GNAO1: variants seen among roughly 807,000 people sequenced by gnomAD.
The protein encoded by GNAO1 is G protein subunit alpha o1.
For synonymous variants in GNAO1, 164 were observed against 180.7 expected (o/e 0.91, Z 0.74); for missense variants, 166 against 478.7 (o/e 0.35, Z 6.10).
At chr16:56,219,545 G>A (rs1424808410) in intron 2 of GNAO1, among the ~76,000 whole-genome samples, 3 of 152,028 alleles carry the variant, frequency 2.0e-5, no homozygotes, top group Non-Finnish European at 4.4e-5. Flanking sequence ...CTTTGGTATC[G>A]GATATTAGGA....
intron 2 of GNAO1, among the ~76,000 whole-genome samples, chr16:56,224,279 G>A (rs1416888478): frequency 5.3e-5 from 8 of 152,184 alleles, no homozygotes; most frequent in African/African-American, 1.9e-4. Context: ...AGAGTGAGAG[G>A]TGAGAGTCCT....
rs1273997393 is a variant in GNAO1, at chr16:56,340,110, C to A, written c.723+3250C>A. On this transcript the variant is annotated intron_variant, in intron 6 of 8. Coordinates refer to ENST00000262493, the MANE Select transcript of GNAO1 (RefSeq NM_020988.3). ...CCTGAGACTGGTTGAACCAATTTTT[C>A]AGTATTTTTCTCTCTTTCTCTTGTT... 3.9e-5 allele frequency among the ~76,000 whole-genome samples: 6 copies of A among 152,326 alleles called. 1 individual carries two copies. In the South Asian group the frequency reaches 1.2e-3, roughly 32 times the overall value.
chr16:56,329,763 A>G (rs751928262), intron 4 of GNAO1, among the ~76,000 whole-genome samples: 1 of 152,108 alleles, frequency 6.6e-6, no homozygotes, highest in Non-Finnish European at 1.5e-5. Context: ...CAGTCCAGCC[A>G]TTTTCACCAG....
intron 3 of GNAO1, among the ~76,000 whole-genome samples, chr16:56,296,074 T>C (rs2037285467): frequency 6.6e-6 from 1 of 152,358 alleles, no homozygotes; most frequent in Non-Finnish European, 1.5e-5. Context: ...AATTCAATTA[T>C]AAAGCCAATT....
At chr16:56,343,706 T>C in intron 6 of GNAO1, 2 of 1,428,010 alleles carry the variant, frequency 1.4e-6, no homozygotes, top group Non-Finnish European at 1.9e-6. Flanking sequence ...GGGTCGTCCA[T>C]GCCAAGCAGT....
intron 2 of GNAO1, among the ~76,000 whole-genome samples, chr16:56,220,132 A>G (rs998069120): frequency 1.3e-5 from 2 of 152,094 alleles, no homozygotes; most frequent in African/African-American, 2.4e-5. Context: ...ATGTGAACAG[A>G]TATCTTTGGC....
chr16:56,207,849 A>G (rs1478880707), intron 2 of GNAO1, among the ~76,000 whole-genome samples: 1 of 152,240 alleles, frequency 6.6e-6, no homozygotes, highest in East Asian at 1.9e-4. Context: ...CAAAATGTAC[A>G]TTAATCTTAT....
intron 3 of GNAO1, among the ~76,000 whole-genome samples, chr16:56,282,668 A>G (rs1208893527): frequency 2.6e-5 from 4 of 152,240 alleles, no homozygotes; most frequent in African/African-American, 7.2e-5. Flanking sequence ...ATGGCCCTAC[A>G]AGCAAGGGCT....
At chr16:56,223,087 C>T (rs11645345) in intron 2 of GNAO1, among the ~76,000 whole-genome samples, 21,563 of 152,134 alleles carry the variant, frequency 0.14, 2,053 homozygotes, top group African/African-American at 0.27. Context: ...TATTGTTTTA[C>T]AGTTCTATTG....
intron 3 of GNAO1, among the ~76,000 whole-genome samples, chr16:56,314,735 C>G (rs535293814): frequency 1.4e-4 from 21 of 152,240 alleles, no homozygotes; most frequent in African/African-American, 4.3e-4. Context: ...CAAATGTTAA[C>G]ACTGTTAGGA....
chr16:56,263,121 CCA>C (rs1354948838), intron 2 of GNAO1, among the ~76,000 whole-genome samples: 1 of 152,184 alleles, frequency 6.6e-6, no homozygotes, highest in Non-Finnish European at 1.5e-5. Context: ...AAGGAAAGGG[CCA>C]CAGACTCCGG....
intron 2 of GNAO1, among the ~76,000 whole-genome samples, chr16:56,216,256 TA>T (rs1281892140): frequency 6.6e-6 from 1 of 152,224 alleles, no homozygotes; most frequent in Non-Finnish European, 1.5e-5. Context: ...CTCCATTTTT[TA>T]AAAGGTGATC....
At position 56,315,723 on chromosome 16, in the gene GNAO1, G is replaced by A. The variant is rs575447868; in HGVS notation, c.304-12908G>A. ...CATAAAAACCCCCCTGCCTCTGGGG[G>A]CCCAGGACAGGCTTCTGTTGCTAAT... On this transcript the variant is annotated intron_variant, in intron 3 of 8. Coordinates refer to ENST00000262493, the MANE Select transcript of GNAO1 (RefSeq NM_020988.3). Among the ~76,000 whole-genome samples the A allele has an allele frequency of 3.3e-5, 5 of 152,196 alleles. No homozygotes were observed. In the East Asian group the frequency reaches 7.8e-4, roughly 24 times the overall value.
In GNAO1 at chr16:56,337,812, C is replaced by T. The variant is rs139676655; in HGVS notation, c.723+952C>T. ...CGTGGTCCCCTTCTGGGCTGCAGCCCGCCAGGCACCGAGCATGGCCCACAG... is the reference window on the plus strand; with the variant it reads ...CGTGGTCCCCTTCTGGGCTGCAGCCTGCCAGGCACCGAGCATGGCCCACAG... On this transcript the variant is annotated intron_variant, in intron 6 of 8. Coordinates refer to ENST00000262493, the MANE Select transcript of GNAO1 (RefSeq NM_020988.3). Among the ~76,000 whole-genome samples, 43 of 152,248 alleles carry T rather than the reference C, an allele frequency of 2.8e-4. No homozygotes were observed. In the East Asian group the frequency reaches 3.9e-3, roughly 14 times the overall value.
chr16:56,350,893 CCACA>C (rs2037914049), intron 6 of GNAO1, among the ~76,000 whole-genome samples: 1 of 152,140 alleles, frequency 6.6e-6, no homozygotes, highest in African/African-American at 2.4e-5. Flanking sequence ...CCCCCAACGC[CCACA>C]CACACAGGCA....
At chr16:56,224,814 A>AT (rs1296258759) in intron 2 of GNAO1, among the ~76,000 whole-genome samples, 2 of 152,232 alleles carry the variant, frequency 1.3e-5, no homozygotes, top group Admixed American at 1.3e-4. Context: ...GCTTTGTGGT[A>AT]TTTAGGGCAT....
intron 2 of GNAO1, among the ~76,000 whole-genome samples, chr16:56,263,807 C>A (rs2036926946): frequency 6.6e-6 from 1 of 152,202 alleles, no homozygotes; most frequent in Non-Finnish European, 1.5e-5. Flanking sequence ...GCAACCCAGC[C>A]CCAAAGCCAA....
At chr16:56,218,345 A>G (rs1242191536) in intron 2 of GNAO1, among the ~76,000 whole-genome samples, 1 of 152,178 alleles carries the variant, frequency 6.6e-6, no homozygotes, top group Non-Finnish European at 1.5e-5. Flanking sequence ...AGGACAGACC[A>G]TCACCCACCA....
intron 3 of GNAO1, among the ~76,000 whole-genome samples, chr16:56,298,655 G>A (rs1596849850): frequency 6.6e-6 from 1 of 152,080 alleles, no homozygotes; most frequent in Admixed American, 6.6e-5. Context: ...GCTCACACCT[G>A]TAATCCCAGC....
Sources: gnomAD v4.1 joint callset for allele counts (sites outside exome capture counted in the v4.1 genomes callset) on GRCh38, gnomAD v4.1.1 for gene constraint, MANE v1.5 for transcripts, NCBI Gene and HGNC (gene_info 2026-07-23, HGNC 2026-07-21) for gene names.